Variants in LRRC37B observed in about 807,000 individuals in gnomAD.
The protein encoded by LRRC37B is leucine rich repeat containing 37B.
A neutral mutation model predicts 98.3 loss-of-function variants in LRRC37B; 28 were observed. The ratio of observed to expected loss-of-function variants is 0.28; its 90% CI spans 0.21 to 0.39. The LOEUF (loss-of-function observed/expected upper bound fraction) is 0.39. Ranked by LOEUF, LRRC37B falls within the 10% of genes least tolerant of loss-of-function variation. The probability of loss-of-function intolerance (pLI) is 1.00; values close to 1 mark genes in which losing one functional copy is unlikely to be tolerated. For missense variants in LRRC37B, 938 were observed against 1,182.7 expected, an observed-to-expected ratio of 0.79 and a Z score of 3.03; for synonymous variants, 364 against 442.7, an observed-to-expected ratio of 0.82 and a Z score of 2.23.
At chr17:32,017,777 G>GTGA (rs1165897510), upstream of LRRC37B, among the ~76,000 whole-genome samples, 2 of 152,146 alleles carry the variant, frequency 1.3e-5, no homozygotes, top group South Asian at 4.1e-4. Flanking sequence ...GGGTGACAGA[G>GTGA]TGAGACCCAG....
intron 5 of LRRC37B, among the ~76,000 whole-genome samples, chr17:32,032,709 C>G (rs911623151): frequency 4.6e-5 from 7 of 152,184 alleles, no homozygotes; most frequent in African/African-American, 1.7e-4. Flanking sequence ...TTTGCTGATG[C>G]TTAACTTAGG....
chr17:32,007,489 C>T (rs970568205), upstream of LRRC37B, among the ~76,000 whole-genome samples: 1 of 152,112 alleles, frequency 6.6e-6, no homozygotes, highest in Non-Finnish European at 1.5e-5. The surrounding 1 kb of genome is among the most constrained non-coding windows in gnomAD (Gnocchi z 4.1). Context: ...TTCCGCCGGC[C>T]GGGCCCCTCC....
intron 7 of LRRC37B, among the ~76,000 whole-genome samples, chr17:32,043,734 C>T (rs1443226027): frequency 6.6e-6 from 1 of 152,184 alleles, no homozygotes; most frequent in Non-Finnish European, 1.5e-5. Flanking sequence ...ATCAGGCCAA[C>T]TTACTGGATA....
upstream of LRRC37B, chr17:32,007,960 G>A (rs772173885): frequency 5.9e-6 from 3 of 511,174 alleles, no homozygotes; most frequent in East Asian, 5.3e-5. This position sits in a 1 kb window ranked among gnomAD's most constrained non-coding sequence, Gnocchi z 4.1. Flanking sequence ...ACGAGAGCGA[G>A]GAGGAGGAGT....
intron 7 of LRRC37B, among the ~76,000 whole-genome samples, chr17:32,039,518 A>C (rs1310039153): frequency 7.3e-5 from 2 of 27,512 alleles, no homozygotes; most frequent in Non-Finnish European, 1.3e-4. Flanking sequence ...ATATATATAT[A>C]TATATGTATG....
intron 5 of LRRC37B, among the ~76,000 whole-genome samples, chr17:32,034,504 C>CA (rs35735718): frequency 0.049 from 2,109 of 43,004 alleles, 25 homozygotes; most frequent in African/African-American, 0.083. Context: ...ACTCCATCTC[C>CA]AAAAAAAAAA....
exon 6 of LRRC37B, chr17:32,034,936 C>T: frequency 6.2e-7 from 1 of 1,612,174 alleles, no homozygotes; most frequent in Non-Finnish European, 8.5e-7. Flanking sequence ...CCTCTGACTA[C>T]TGTCGAAGAT....
rs1467654449 is a variant in LRRC37B, at chr17:32,030,585, C to T, written c.1905-71C>T. On this transcript the variant is annotated intron_variant, in intron 3 of 11. Transcript: ENST00000327564. The stretch of plus-strand genomic sequence containing the variant: ...AATGTGTATTCAATATTATTCTAAA[C>T]TCTTGCTATTATTCATACCAGTCAA... 91 of 1,361,438 alleles carry T rather than the reference C, an allele frequency of 6.7e-5. 2 individuals are homozygous for T. The highest frequency in any genetic ancestry group is 8.4e-5 in the Non-Finnish European group (85 of 1,012,664). 84.3% of individuals were successfully genotyped at this position (1,361,438 alleles called of 1,614,324 possible).
upstream of LRRC37B, among the ~76,000 whole-genome samples, chr17:32,020,156 T>C (rs540911988): frequency 6.6e-6 from 1 of 152,290 alleles, no homozygotes; most frequent in South Asian, 2.1e-4. Flanking sequence ...CCTTCAATTT[T>C]AAAACCATCA....
chr17:32,045,048 C>G (rs1226302087), intron 7 of LRRC37B, among the ~76,000 whole-genome samples: 2 of 149,332 alleles, frequency 1.3e-5, no homozygotes, highest in Non-Finnish European at 2.9e-5. Context: ...TTGGTGGTTG[C>G]AAAGTGACAC....
At chr17:32,040,709 G>A in intron 7 of LRRC37B, 1 of 784,148 alleles carries the variant, frequency 1.3e-6, no homozygotes, top group South Asian at 1.3e-5. Context: ...TCCTGAGCGA[G>A]TGCCTGATCC....
intron 7 of LRRC37B, among the ~76,000 whole-genome samples, chr17:32,044,567 G>A (rs1911525342): frequency 6.6e-6 from 1 of 152,064 alleles, no homozygotes; most frequent in South Asian, 2.1e-4. Flanking sequence ...TGTTTAAGGT[G>A]ATCTTCCAGA....
At chr17:32,045,529 T>G (rs1304205266) in intron 7 of LRRC37B, 171 bp from the exon 11 acceptor site, 2 of 647,660 alleles carry the variant, frequency 3.1e-6, no homozygotes, top group Non-Finnish European at 5.4e-6. Flanking sequence ...ACCCTTCAGT[T>G]GGGCACCTGT....
chr17:32,041,983 A>G (rs1197852308), intron 7 of LRRC37B: 5 of 362,506 alleles, frequency 1.4e-5, no homozygotes, highest in South Asian at 1.0e-4. Flanking sequence ...CAGAGACAGG[A>G]CCCTGGTTTT....
At chr17:32,013,085 C>T (rs56189809) in intron 1 of LRRC37B, among the ~76,000 whole-genome samples, 2,923 of 152,212 alleles carry the variant, frequency 0.019, 79 homozygotes, top group African/African-American at 0.064. Flanking sequence ...ATATTAGTAA[C>T]ATAATACTGT....
chr17:32,040,380 C>T, intron 7 of LRRC37B: 1 of 459,616 alleles, frequency 2.2e-6, no homozygotes, highest in Non-Finnish European at 4.1e-6. Flanking sequence ...GGGTCACGCA[C>T]CTGGGAGCCT....
chr17:32,036,504 A>G (rs1224661682), intron 7 of LRRC37B, among the ~76,000 whole-genome samples: 2 of 152,226 alleles, frequency 1.3e-5, no homozygotes, highest in Non-Finnish European at 2.9e-5. Flanking sequence ...TACCATTTAC[A>G]CTGTACTAGG....
intron 3 of LRRC37B, chr17:32,029,010 A>T (rs1911037261): frequency 2.0e-5 from 3 of 150,688 alleles, no homozygotes; most frequent in South Asian, 4.2e-4. Flanking sequence ...TTTATTTATT[A>T]TTTTTTTTTG....
intron 11 of LRRC37B, chr17:32,050,395 C>T (rs1911719196): frequency 3.5e-6 from 1 of 285,728 alleles, no homozygotes; most frequent in Admixed American, 4.8e-5. Context: ...ACTATGTCAA[C>T]AATTGGATGT....
Sources: allele counts gnomAD v4.1 joint callset (sites outside exome capture counted in the v4.1 genomes callset), GRCh38; gene constraint gnomAD v4.1.1; non-coding constraint Gnocchi (gnomAD v3.1); transcripts MANE v1.5; gene names NCBI Gene and HGNC (gene_info 2026-07-23, HGNC 2026-07-21).